The following VCF2 variants were observed in gnomAD, a reference collection of about 807,000 sequenced individuals.
VCF2 encodes the protein protein VCF2.
chrX:55,159,654 T>A, the VCF2 span, among the ~76,000 whole-genome samples: 1 of 112,224 alleles, frequency 8.9e-6, no homozygotes, highest in East Asian at 2.8e-4. Flanking sequence ...TAAGTTCTTA[T>A]GCCAGTGGTG....
the VCF2 span, chrX:55,161,183 C>G: frequency 5.8e-6 from 7 of 1,198,107 alleles, no homozygotes; most frequent in African/African-American, 1.2e-4. Flanking sequence ...CCATAGCAAC[C>G]GCGCAGGAAG....
chrX:55,149,323 T>G, the VCF2 span, among the ~76,000 whole-genome samples: 1 of 111,535 alleles, frequency 9.0e-6, no homozygotes, highest in African/African-American at 3.3e-5. Flanking sequence ...GGTTACTATA[T>G]CCACGTAACT....
chrX:55,154,558 A>AG, the VCF2 span, among the ~76,000 whole-genome samples: 12 of 112,587 alleles, frequency 1.1e-4, no homozygotes, highest in Admixed American at 1.1e-3. Flanking sequence ...AAATTCACAA[A>AG]GGCACTTTAC....
chrX:55,147,646 T>TG, the VCF2 span, among the ~76,000 whole-genome samples: 1 of 97,807 alleles, frequency 1.0e-5, no homozygotes, highest in Non-Finnish European at 2.1e-5. Context: ...TTTTTTTTTT[T>TG]TTTTTTTTTT....
the VCF2 span, chrX:55,143,214 A>G: frequency 9.0e-6 from 1 of 110,985 alleles, no homozygotes; most frequent in Non-Finnish European, 1.9e-5. Context: ...TCACCTTTTA[A>G]ACTCTCTAAG....
At chrX:55,153,431 T>C in the VCF2 span, among the ~76,000 whole-genome samples, 3 of 108,699 alleles carry the variant, frequency 2.8e-5, no homozygotes, top group East Asian at 5.7e-4. Context: ...CTCAGCTCAC[T>C]GTAAGCTCTG....
chrX:55,152,300 G>C, the VCF2 span, among the ~76,000 whole-genome samples: 1 of 112,213 alleles, frequency 8.9e-6, no homozygotes, highest in African/African-American at 3.2e-5. Context: ...CCTGCCTACA[G>C]ATGTATGGAC....
chrX:55,159,204 T>C, the VCF2 span: 1 of 1,205,687 alleles, frequency 8.3e-7, no homozygotes, highest in Non-Finnish European at 1.1e-6. Context: ...GGTTGCCCTC[T>C]TTACTGCCAT....
chrX:55,157,968 A>C, the VCF2 span, among the ~76,000 whole-genome samples: 1 of 112,605 alleles, frequency 8.9e-6, no homozygotes. Flanking sequence ...TTTTACAGGG[A>C]AAGTGGTGGT....
At chrX:55,156,666 T>C in the VCF2 span, among the ~76,000 whole-genome samples, 1 of 112,336 alleles carries the variant, frequency 8.9e-6, no homozygotes, top group Non-Finnish European at 1.9e-5. Flanking sequence ...TCAATGCTTT[T>C]TGTAGCTTAG....
the VCF2 span, among the ~76,000 whole-genome samples, chrX:55,154,643 T>G: frequency 3.6e-5 from 4 of 112,299 alleles, no homozygotes; most frequent in Non-Finnish European, 7.5e-5. Context: ...ATCTGCATAC[T>G]TACCTGTAAC....
At chrX:55,154,130 T>C in the VCF2 span, among the ~76,000 whole-genome samples, 3 of 111,794 alleles carry the variant, frequency 2.7e-5, no homozygotes, top group African/African-American at 9.8e-5. Flanking sequence ...CTTTATTTTA[T>C]TATTTTTTTA....
At chrX:55,156,272 A>T in the VCF2 span, among the ~76,000 whole-genome samples, 4 of 111,679 alleles carry the variant, frequency 3.6e-5, no homozygotes, top group Admixed American at 1.9e-4. Flanking sequence ...CTTTCTTTCA[A>T]GCCCTAGCTT....
the VCF2 span, chrX:55,145,975 T>C: frequency 1.8e-6 from 2 of 1,104,114 alleles, no homozygotes; most frequent in South Asian, 4.6e-5. Flanking sequence ...CAACTGCCCA[T>C]TAACTTGTTA....
At chrX:55,159,104 G>A in the VCF2 span, 4 of 1,107,474 alleles carry the variant, frequency 3.6e-6, no homozygotes, top group Non-Finnish European at 3.7e-6. Flanking sequence ...GAATGAAATA[G>A]AGGCAATCTG....
the VCF2 span, among the ~76,000 whole-genome samples, chrX:55,149,371 G>A: frequency 9.0e-6 from 1 of 110,943 alleles, no homozygotes. Flanking sequence ...TAAGTTACAG[G>A]GCGTTGACTC....
chrX:55,159,155 T>C, the VCF2 span: 4 of 1,206,151 alleles, frequency 3.3e-6, no homozygotes, highest in Admixed American at 8.8e-5. Context: ...TCCTGAAAGA[T>C]AGGGTTTCTC....
At chrX:55,155,266 G>A in the VCF2 span, among the ~76,000 whole-genome samples, 6 of 112,121 alleles carry the variant, frequency 5.4e-5, no homozygotes, top group East Asian at 1.4e-3. Flanking sequence ...AGGTATTTGA[G>A]CATAAGATAA....
At chrX:55,146,088 G>A in the VCF2 span, 2 of 1,209,357 alleles carry the variant, frequency 1.7e-6, no homozygotes, top group South Asian at 1.8e-5. Context: ...AATTCATCAT[G>A]TTGGAGCTTG....
Sources: allele counts gnomAD v4.1 joint callset (sites outside exome capture counted in the v4.1 genomes callset), GRCh38; gene constraint gnomAD v4.1.1; transcripts MANE v1.5; gene names NCBI Gene and HGNC (gene_info 2026-07-23, HGNC 2026-07-21).